Variants in ESR1 observed in about 807,000 individuals in gnomAD.
ESR1 encodes estrogen receptor 1, also known as estrogen receptor.
A neutral mutation model predicts 52.7 loss-of-function variants in ESR1; 12 were observed. That is an observed-to-expected ratio of 0.23 (90% CI 0.15 to 0.37). ESR1 has a LOEUF of 0.37. Among genes scored for constraint, ESR1 ranks in the 10% least tolerant of loss-of-function variants. The pLI is 1.00. For synonymous variants in ESR1, 305 were observed against 316.8 expected (o/e 0.96, Z 0.39); for missense variants, 584 against 779.7 (o/e 0.75, Z 2.99).
rs906656039 is a variant in ESR1 at position 152,098,536 on chromosome 6, C to T, written c.1554-196C>T. ...GAGGTGGAAAATGAAAAACACACGG[C>T]CATGAGTTCCAGATTAGGGCTTCTG... On this transcript the variant is annotated intron_variant, in intron 7 of 7. Transcript: ENST00000206249. The surrounding 1 kb of genome is among the most constrained non-coding windows in gnomAD (Gnocchi z 5.1). 2.6e-5 allele frequency among the ~76,000 whole-genome samples: 4 copies of T among 152,028 alleles called. No individual in the cohort carries two copies. The highest frequency in any genetic ancestry group is 2.0e-4 in the Admixed American group (3 of 15,270).
intron 2 of ESR1, among the ~76,000 whole-genome samples, chr6:151,758,536 G>A (rs1410630469): frequency 1.3e-5 from 2 of 151,976 alleles, no homozygotes; most frequent in Non-Finnish European, 2.9e-5. Flanking sequence ...CAAAGTGGGC[G>A]GATCACCTGA....
chr6:151,845,078 C>T (rs1341944492), intron 2 of ESR1, among the ~76,000 whole-genome samples: 1 of 151,952 alleles, frequency 6.6e-6, no homozygotes, highest in Non-Finnish European at 1.5e-5. Flanking sequence ...TTTTTTACAT[C>T]ATTTTTGTTC....
At position 152,099,022 on chromosome 6, in the gene ESR1, A is replaced by T; in HGVS notation, c.*56A>T. On this transcript the variant is annotated 3_prime_UTR_variant, in exon 8 of 8. Coordinates refer to ENST00000206249, the MANE Select transcript of ESR1 (RefSeq NM_000125.4). ...ATCCCTGCTGCATTTTACCCTCATC[A>T]TGCACCACTTTAGCCAAATTCTGTC... The T allele has an allele frequency of 6.8e-7, 1 of 1,470,052 alleles. No individual in the cohort carries two copies. 91.1% of individuals were successfully genotyped at this position (1,470,052 alleles called of 1,614,324 possible). A position where few individuals can be genotyped will look rare whatever the true frequency, so the allele number is the denominator to read the frequency against.
intron 4 of ESR1, among the ~76,000 whole-genome samples, chr6:151,974,929 A>G (rs867108217): frequency 6.6e-5 from 10 of 152,090 alleles, no homozygotes; most frequent in African/African-American, 2.2e-4. Context: ...GCCCATCCCT[A>G]CTACACAGCG....
intron 2 of ESR1, among the ~76,000 whole-genome samples, chr6:151,720,990 A>G (rs1482719250): frequency 6.6e-6 from 1 of 152,244 alleles, no homozygotes; most frequent in Non-Finnish European, 1.5e-5. Context: ...AAACATCAAC[A>G]CAACATATCT....
At chr6:151,781,276 A>G (rs2128121870) in intron 2 of ESR1, among the ~76,000 whole-genome samples, 1 of 152,344 alleles carries the variant, frequency 6.6e-6, no homozygotes, top group East Asian at 1.9e-4. Flanking sequence ...AAAGTCTGAT[A>G]TCAAGGTGCT....
chr6:152,007,850 C>T (rs1584780206), intron 4 of ESR1, among the ~76,000 whole-genome samples: 1 of 152,088 alleles, frequency 6.6e-6, no homozygotes. Flanking sequence ...TAAGCTCCCA[C>T]GTTATTATTG....
intron 4 of ESR1, among the ~76,000 whole-genome samples, chr6:152,007,274 G>A (rs2042407428): frequency 6.6e-6 from 1 of 151,974 alleles, no homozygotes; most frequent in Non-Finnish European, 1.5e-5. Flanking sequence ...GGGGCAGGGA[G>A]GTGGACATGC....
intron 2 of ESR1, among the ~76,000 whole-genome samples, chr6:151,792,584 C>A (rs1040435340): frequency 6.6e-6 from 1 of 151,926 alleles, no homozygotes; most frequent in African/African-American, 2.4e-5. Context: ...GTACTGCAGA[C>A]GTACACTACT....
intron 2 of ESR1, among the ~76,000 whole-genome samples, chr6:151,759,915 C>A (rs541276298): frequency 6.6e-6 from 1 of 152,096 alleles, no homozygotes; most frequent in Non-Finnish European, 1.5e-5. Flanking sequence ...AGTAATGGCA[C>A]CTGAAAGGGT....
chr6:151,967,977 G>A (rs1477202535), intron 4 of ESR1, among the ~76,000 whole-genome samples: 1 of 152,052 alleles, frequency 6.6e-6, no homozygotes, highest in African/African-American at 2.4e-5. Flanking sequence ...CCTCACAAAT[G>A]TCTTCTTTTG....
intron 3 of ESR1, among the ~76,000 whole-genome samples, chr6:151,907,736 A>C (rs2128425040): frequency 6.6e-6 from 1 of 152,288 alleles, no homozygotes; most frequent in South Asian, 2.1e-4. Context: ...CTTGCACGCC[A>C]CAGTAATTAT....
At chr6:151,975,848 C>G (rs2039389714) in intron 4 of ESR1, among the ~76,000 whole-genome samples, 1 of 152,158 alleles carries the variant, frequency 6.6e-6, no homozygotes, top group South Asian at 2.1e-4. Context: ...TCATTATAGT[C>G]TTATCTATAA....
intron 5 of ESR1, 125 bp downstream of exon 5, chr6:152,011,919 A>G (rs768480107): frequency 4.1e-5 from 43 of 1,040,788 alleles, no homozygotes; most frequent in Non-Finnish European, 5.5e-5. Flanking sequence ...TACTTAACAA[A>G]AGAGTGCATT....
intron 3 of ESR1, among the ~76,000 whole-genome samples, chr6:151,915,871 A>T (rs77366480): frequency 6.7e-6 from 1 of 150,308 alleles, no homozygotes; most frequent in Non-Finnish European, 1.5e-5. Context: ...CTCTCTCTCT[A>T]TAGGAAACCA....
At chr6:151,824,743 A>G (rs1302156990) in intron 1 of ESR1, among the ~76,000 whole-genome samples, 3 of 152,122 alleles carry the variant, frequency 2.0e-5, no homozygotes, top group Admixed American at 6.5e-5. Flanking sequence ...AACATGATGA[A>G]ACCTCATCTC....
chr6:151,857,876 G>A (rs1488447809), intron 2 of ESR1, among the ~76,000 whole-genome samples: 2 of 152,106 alleles, frequency 1.3e-5, no homozygotes, highest in Non-Finnish European at 2.9e-5. Context: ...TATTAACAGT[G>A]ACTATCTCTG....
At chr6:151,829,991 A>G (rs535762321) in intron 1 of ESR1, among the ~76,000 whole-genome samples, 1 of 152,176 alleles carries the variant, frequency 6.6e-6, no homozygotes, top group Non-Finnish European at 1.5e-5. Context: ...TCCATTTGCA[A>G]TTCTGGACAT....
At chr6:151,773,548 G>A (rs1278715306) in intron 2 of ESR1, among the ~76,000 whole-genome samples, 5 of 152,200 alleles carry the variant, frequency 3.3e-5, no homozygotes, top group African/African-American at 7.2e-5. Context: ...TGACGCATAT[G>A]TTTGAAGGCA....
Sources: gnomAD v4.1 joint callset for allele counts (sites outside exome capture counted in the v4.1 genomes callset) on GRCh38, gnomAD v4.1.1 for gene constraint, Gnocchi (gnomAD v3.1) non-coding constraint, MANE v1.5 for transcripts, NCBI Gene and HGNC (gene_info 2026-07-23, HGNC 2026-07-21) for gene names.